ANXA6: variants seen among roughly 807,000 people sequenced by gnomAD.
ANXA6 encodes annexin A6.
In ANXA6, 71 loss-of-function variants were observed where a neutral mutation model predicts 95.4. The ratio of observed to expected loss-of-function variants is 0.74; its 90% CI spans 0.61 to 0.91. The LOEUF is 0.91. Among genes scored for constraint, ANXA6 ranks in the 40% least tolerant of loss-of-function variants. The pLI is 0.00. For missense variants in ANXA6, 830 were observed against 876.4 expected (o/e 0.95, Z 0.67); for synonymous variants, 289 against 315.9 (o/e 0.91, Z 0.90).
In ANXA6 at chr5:151,132,544, C is replaced by T; in HGVS notation, c.668G>A (p.Gly223Glu). The change falls in exon 10 of 26, where the codon GGG becomes GAG. Residue 223 changes from glycine to glutamate, a missense_variant. By Grantham distance (98) the Gly-to-Glu change is moderately conservative. Coordinates refer to ENST00000354546, the MANE Select transcript of ANXA6 (RefSeq NM_001155.5). The part of the protein sequence containing the change: ...LVFDEYLKTT[G>E]KPIEASIRGE... ...TCGGATGCTGGCTTCAATCGGCTTC[C>T]CTGTGGTCTTCAGATACTCATCGAA... 6.2e-7 allele frequency: 1 copy of T among 1,613,436 alleles called. No individual in the cohort carries two copies. The highest frequency in any genetic ancestry group is 1.7e-5 in the Admixed American group (1 of 59,970).
chr5:151,105,296 A>G lies in ANXA6; in HGVS notation c.1788T>C (p.Ser596=). ...CAAAGAAGAGAGGCTTGTTCTTGAC[A>G]CTTTGAACTGGTAGGAAGAGCAGAG... The part of the protein sequence containing the change: ...VRDAFVAIVQ[S]VKNKPLFFAD... The change falls in exon 24 of 26, where the codon AGT becomes AGC. Residue 596 remains serine (S), a synonymous_variant. Coordinates refer to ENST00000354546, the MANE Select transcript of ANXA6 (RefSeq NM_001155.5). 6.2e-7 allele frequency: 1 copy of G among 1,613,948 alleles called. No individual in the cohort carries two copies. Among genetic ancestry groups the G allele is most frequent in the Non-Finnish European group, 8.5e-7 (1 of 1,179,824 alleles).
rs1398530672 is a variant in ANXA6 at position 151,134,434 on chromosome 5, T to A, written c.539A>T (p.Asp180Val). The A allele has an allele frequency of 6.2e-7, 1 of 1,613,940 alleles. No individual in the cohort carries two copies. Among genetic ancestry groups the A allele is most frequent in the Non-Finnish European group, 8.5e-7 (1 of 1,179,854 alleles). The change falls in exon 8 of 26, where the codon GAT (aspartate) becomes GTT (valine). Residue 180 changes from aspartate to valine, a missense_variant. By Grantham distance (152) the Asp-to-Val change is radical. Transcript: ENST00000354546. ...DVVSEDLVQQ[D>V]VQDLYEAGEL... ...TCAGTGGTGCTTGTTTACCTGGACA[T>A]CCTGTTGTACCAGGTCCTCGCTCAC...
chr5:151,146,906 C>T (rs1443204681), intron 2 of ANXA6, among the ~76,000 whole-genome samples: 1 of 152,140 alleles, frequency 6.6e-6, no homozygotes, highest in East Asian at 1.9e-4. Context: ...CCCACCTTAG[C>T]CTCCTAAGCA....
intron 2 of ANXA6, chr5:151,140,483 C>T: frequency 2.1e-6 from 1 of 484,518 alleles, no homozygotes; most frequent in Non-Finnish European, 3.8e-6. Context: ...AGGCCTGCAG[C>T]CCTGCACCAC....
chr5:151,122,722 C>T (rs1360013964), intron 16 of ANXA6, among the ~76,000 whole-genome samples, 195 bp downstream of exon 16: 2 of 152,194 alleles, frequency 1.3e-5, no homozygotes, highest in Non-Finnish European at 2.9e-5. Flanking sequence ...TTGCCCATCA[C>T]AAGGAACTGG....
chr5:151,140,194 T>A lies in ANXA6; in HGVS notation c.68A>T (p.Asn23Ile). The A allele has an allele frequency of 6.2e-7, 1 of 1,613,894 alleles. No homozygotes were observed. Among genetic ancestry groups the A allele is most frequent in the Non-Finnish European group, 8.5e-7 (1 of 1,179,872 alleles). The change falls in exon 3 of 26, where the codon AAC becomes ATC. Residue 23 changes from asparagine (N) to isoleucine (I), a missense_variant. By Grantham distance (149) the Asn-to-Ile change is moderately radical. Coordinates refer to ENST00000354546, the MANE Select transcript of ANXA6 (RefSeq NM_001155.5). Reference sequence around the variant, plus strand: ...AGTGTACAGAGCCTCGGCATCCTGGTTGGGGTCAAAGCCTGGGAAGTCATG... The same window carrying A: ...AGTGTACAGAGCCTCGGCATCCTGGATGGGGTCAAAGCCTGGGAAGTCATG... ...SIHDFPGFDP[N>I]QDAEALYTAM...
At chr5:151,132,608 C>T (rs1479713083) in intron 9 of ANXA6, 37 bp from the exon 10 acceptor site, 2 of 1,546,678 alleles carry the variant, frequency 1.3e-6, no homozygotes, top group East Asian at 4.5e-5. Context: ...TTTGAGAGTG[C>T]CTCTGTACCC....
At chr5:151,126,741 A>T (rs771425313) in intron 13 of ANXA6, among the ~76,000 whole-genome samples, 17 of 151,658 alleles carry the variant, frequency 1.1e-4, no homozygotes, top group Non-Finnish European at 1.9e-4. Flanking sequence ...TTTGAGACGG[A>T]GTTTTGCTCT....
intron 11 of ANXA6, among the ~76,000 whole-genome samples, chr5:151,130,376 G>A (rs1192854448): frequency 5.3e-5 from 8 of 152,018 alleles, no homozygotes; most frequent in Middle Eastern, 3.4e-3. Context: ...TCAGCCTCCC[G>A]AGTAGTTAGG....
rs1045272177 is a variant in ANXA6, at chr5:151,101,427, G to A, written c.*21C>T. 6.5e-7 allele frequency: 1 copy of A among 1,550,068 alleles called. No individual in the cohort carries two copies. ...TGCTGATAACCATTTCTTGGCAGAA[G>A]TGCCCGCCAAAGCTGTGGCCCTAGT... On this transcript the variant is annotated 3_prime_UTR_variant, in exon 26 of 26. Coordinates refer to ENST00000354546, the MANE Select transcript of ANXA6 (RefSeq NM_001155.5).
intron 5 of ANXA6, 23 bp downstream of exon 5, chr5:151,138,655 C>A: frequency 6.4e-7 from 1 of 1,566,650 alleles, no homozygotes; most frequent in Non-Finnish European, 8.8e-7. Context: ...CACCCCAACA[C>A]CACATACACC....
At position 151,122,878 on chromosome 5, in the gene ANXA6, C is replaced by T. The variant is rs1765208831; in HGVS notation, c.1233+39G>A. On this transcript the variant is annotated intron_variant, in intron 16 of 25. Coordinates refer to ENST00000354546, the MANE Select transcript of ANXA6 (RefSeq NM_001155.5). ...AGGCTGAGCTCAATCAGGCAAGGTGCATGCATGTTGCACAGAGAGCCCAGG... is the reference window on the plus strand; with the variant it reads ...AGGCTGAGCTCAATCAGGCAAGGTGTATGCATGTTGCACAGAGAGCCCAGG... 2.5e-6 allele frequency: 4 copies of T among 1,572,022 alleles called. No individual in the cohort carries two copies. In the East Asian group the frequency reaches 9.0e-5, roughly 35 times the overall value.
At chr5:151,119,226 G>C in intron 18 of ANXA6, 74 bp downstream of exon 18, 1 of 1,248,612 alleles carries the variant, frequency 8.0e-7, no homozygotes, top group South Asian at 1.2e-5. Context: ...CCTGGGCAGA[G>C]CTGTGGGCTG....
intron 19 of ANXA6, 113 bp downstream of exon 19, chr5:151,117,645 C>G (rs1765039524): frequency 1.1e-6 from 1 of 885,980 alleles, no homozygotes; most frequent in South Asian, 1.5e-5. Context: ...GAGACACCCC[C>G]TCTCCATCAG....
chr5:151,129,709 G>A (rs115538078), intron 11 of ANXA6, among the ~76,000 whole-genome samples, 180 bp from the exon 12 acceptor site: 1 of 140,960 alleles, frequency 7.1e-6, no homozygotes, highest in South Asian at 2.8e-4. Flanking sequence ...TTGTTTGTTT[G>A]TTTGTTTGTT....
chr5:151,148,083 C>T (rs1766016008), intron 1 of ANXA6, among the ~76,000 whole-genome samples, 157 bp from the exon 2 acceptor site: 1 of 151,828 alleles, frequency 6.6e-6, no homozygotes, highest in African/African-American at 2.4e-5. Context: ...ACATTTTTTT[C>T]AGAAGACAAT....
intron 24 of ANXA6, among the ~76,000 whole-genome samples, 191 bp downstream of exon 24, chr5:151,105,054 G>A (rs1431579321): frequency 6.6e-6 from 1 of 152,228 alleles, no homozygotes; most frequent in Non-Finnish European, 1.5e-5. Flanking sequence ...CGGGGCGGGG[G>A]AAGGCGGGGG....
At chr5:151,156,296 C>A (rs762664807) in intron 1 of ANXA6, among the ~76,000 whole-genome samples, 2 of 152,200 alleles carry the variant, frequency 1.3e-5, no homozygotes, top group Non-Finnish European at 2.9e-5. Context: ...GCAGACTTTG[C>A]TCCAGATGGG....
intron 24 of ANXA6, among the ~76,000 whole-genome samples, chr5:151,104,870 G>A (rs1764652579): frequency 6.6e-6 from 1 of 152,244 alleles, no homozygotes; most frequent in African/African-American, 2.4e-5. Flanking sequence ...TGTGCCTCCA[G>A]AGCACATTTC....
Sources: allele counts gnomAD v4.1 joint callset (sites outside exome capture counted in the v4.1 genomes callset), GRCh38; gene constraint gnomAD v4.1.1; transcripts MANE v1.5; gene names NCBI Gene and HGNC (gene_info 2026-07-23, HGNC 2026-07-21).